Variants in SPEF2 observed in about 807,000 individuals in gnomAD.
SPEF2 encodes sperm flagellar and cilia associated 2.
Under a neutral mutation model 224.6 loss-of-function variants are expected in SPEF2, and 187 were observed. That is an observed-to-expected ratio of 0.83 (90% CI 0.74 to 0.94). The LOEUF (loss-of-function observed/expected upper bound fraction) is 0.94, where lower values mean the gene tolerates loss of function less well. Ranked by LOEUF, SPEF2 falls within the 40% of genes least tolerant of loss-of-function variation. The probability of loss-of-function intolerance (pLI) is 0.00; values close to 1 mark genes in which losing one functional copy is unlikely to be tolerated. For missense variants in SPEF2, 2,170 were observed against 2,135.6 expected (o/e 1.02, Z -0.32); for synonymous variants, 715 against 707.3 (o/e 1.01, Z -0.17).
chr5:35,750,441 C>T (rs1297622495), intron 23 of SPEF2, among the ~76,000 whole-genome samples: 1 of 152,012 alleles, frequency 6.6e-6, no homozygotes, highest in African/African-American at 2.4e-5. Context: ...AAAATTTTCA[C>T]AATCTATACA....
At chr5:35,752,323 C>G (rs1309077505) in intron 23 of SPEF2, among the ~76,000 whole-genome samples, 2 of 152,112 alleles carry the variant, frequency 1.3e-5, no homozygotes, top group Admixed American at 1.3e-4. Context: ...GACAGGGTCT[C>G]TGTCACTCAG....
At chr5:35,793,584 G>A (rs1346318271) in intron 32 of SPEF2, among the ~76,000 whole-genome samples, 1 of 152,296 alleles carries the variant, frequency 6.6e-6, no homozygotes, top group South Asian at 2.1e-4. Context: ...TCTGAAAGCA[G>A]TTACATAAAC....
In SPEF2 at chr5:35,700,586, C is replaced by T; in HGVS notation, c.2232C>T (p.Cys744=). The change falls in exon 16 of 37, where the codon TGC becomes TGT. Residue 744 remains cysteine, a synonymous_variant. Transcript: ENST00000356031. ...AQLLEEALTG[C]NRNLTEVERK... is the part of the protein sequence containing the mutation. ...TTCTGGAAGAAGCTCTTACAGGCTG[C>T]AATAGAAACCTCACAGAAGTGGAAA... 6.2e-7 allele frequency: 1 copy of T among 1,613,794 alleles called. No homozygotes were observed. Among genetic ancestry groups the T allele is most frequent in the Non-Finnish European group, 8.5e-7 (1 of 1,179,916 alleles).
rs75341711 is a variant in SPEF2, at chr5:35,764,172, A to T, written c.3801+470A>T. On this transcript the variant is annotated intron_variant, in intron 26 of 36. Transcript: ENST00000356031. ...TTAACATGTAAGAAATGAAATAAAA[A>T]TTTTTAAAAAATATTCTGCAGAGTC... Among the ~76,000 whole-genome samples the T allele has an allele frequency of 6.5e-3, 987 of 152,302 alleles. 11 individuals carry two copies. The highest frequency in any genetic ancestry group is 0.022 in the African/African-American group (935 of 41,572).
At chr5:35,749,326 C>T (rs540133664) in intron 23 of SPEF2, among the ~76,000 whole-genome samples, 1 of 152,208 alleles carries the variant, frequency 6.6e-6, no homozygotes, top group East Asian at 1.9e-4. Flanking sequence ...CACTCCTCTT[C>T]AACATAGTAC....
chr5:35,689,680 A>T (rs1754164395), intron 10 of SPEF2, among the ~76,000 whole-genome samples: 1 of 152,180 alleles, frequency 6.6e-6, no homozygotes, highest in South Asian at 2.1e-4. Flanking sequence ...TAAGGACAAG[A>T]TATCATTATT....
At chr5:35,704,791 A>G in intron 17 of SPEF2, 129 bp downstream of exon 17, 1 of 630,198 alleles carries the variant, frequency 1.6e-6, no homozygotes, top group South Asian at 1.9e-5. Context: ...GTAAAAGAAG[A>G]CTAAGTAGTT....
At chr5:35,660,354 A>G (rs1256280069) in intron 8 of SPEF2, among the ~76,000 whole-genome samples, 1 of 152,180 alleles carries the variant, frequency 6.6e-6, no homozygotes, top group South Asian at 2.1e-4. Context: ...CAGAAGAGAA[A>G]CCTTATAGAA....
chr5:35,709,527 A>G, intron 19 of SPEF2: 3 of 988,752 alleles, frequency 3.0e-6, no homozygotes, highest in Non-Finnish European at 3.6e-6. Flanking sequence ...TTCCACCAGA[A>G]TAAGGGAACA....
At chr5:35,618,142 G>C in intron 1 of SPEF2, 87 bp downstream of exon 1, 1 of 1,432,872 alleles carries the variant, frequency 7.0e-7, no homozygotes. Context: ...AGGGAAGGTG[G>C]CGGGCAGGGC....
At chr5:35,696,710 A>G (rs1580324876) in intron 14 of SPEF2, among the ~76,000 whole-genome samples, 2 of 152,308 alleles carry the variant, frequency 1.3e-5, no homozygotes, top group Middle Eastern at 6.8e-3. Flanking sequence ...GATAAATATG[A>G]TATTGAAGAT....
At chr5:35,798,593 A>C (rs1757003705) in intron 33 of SPEF2, among the ~76,000 whole-genome samples, 1 of 151,644 alleles carries the variant, frequency 6.6e-6, no homozygotes, top group African/African-American at 2.4e-5. Flanking sequence ...ATCACTACAT[A>C]GTTTACCTAT....
intron 36 of SPEF2, among the ~76,000 whole-genome samples, chr5:35,809,120 G>T (rs1561398675): frequency 1.3e-5 from 2 of 152,096 alleles, no homozygotes; most frequent in Middle Eastern, 6.8e-3. Context: ...ATTAAGTGAG[G>T]TCATGCATGT....
intron 36 of SPEF2, among the ~76,000 whole-genome samples, chr5:35,813,301 T>C (rs995607798): frequency 2.6e-5 from 4 of 152,124 alleles, no homozygotes; most frequent in Admixed American, 2.6e-4. Context: ...GAGAGAAACC[T>C]GGTCAACAGA....
intron 7 of SPEF2, among the ~76,000 whole-genome samples, chr5:35,655,257 G>A (rs1313413414): frequency 6.6e-6 from 1 of 152,082 alleles, no homozygotes; most frequent in Non-Finnish European, 1.5e-5. Context: ...TCTGGGGGTG[G>A]GGCCCAGTGA....
intron 16 of SPEF2, among the ~76,000 whole-genome samples, chr5:35,702,803 G>C (rs1298991825): frequency 6.6e-6 from 1 of 152,156 alleles, no homozygotes; most frequent in Non-Finnish European, 1.5e-5. Context: ...CCAATTACAA[G>C]TTTTTGTTGA....
intron 10 of SPEF2, chr5:35,670,951 C>A: frequency 1.0e-6 from 1 of 985,288 alleles, no homozygotes. Context: ...AATACATATC[C>A]ATTTCTTTCC....
chr5:35,648,439 C>A (rs1747722450), intron 5 of SPEF2, among the ~76,000 whole-genome samples: 1 of 150,228 alleles, frequency 6.7e-6, no homozygotes, highest in South Asian at 2.1e-4. Context: ...GGCTGGAGTG[C>A]AGTGGTAAAA....
At chr5:35,646,382 A>G in intron 4 of SPEF2, 1 of 218,058 alleles carries the variant, frequency 4.6e-6, no homozygotes, top group Admixed American at 5.6e-5. Context: ...TATATTTGGG[A>G]CATCTTTGTT....
Sources: allele counts gnomAD v4.1 joint callset (sites outside exome capture counted in the v4.1 genomes callset), GRCh38; gene constraint gnomAD v4.1.1; transcripts MANE v1.5; gene names NCBI Gene and HGNC (gene_info 2026-07-23, HGNC 2026-07-21).